The following CFAP46 variants were observed in gnomAD, a reference collection of about 807,000 sequenced individuals.
CFAP46 encodes cilia and flagella associated protein 46, also known as cilia- and flagella-associated protein 46.
In CFAP46, 245 loss-of-function variants were observed where a neutral mutation model predicts 325.7. The observed-to-expected ratio is 0.75, with a 90% confidence interval of 0.68 to 0.84. The LOEUF (loss-of-function observed/expected upper bound fraction) is 0.84, where lower values mean the gene tolerates loss of function less well. Among genes scored for constraint, CFAP46 ranks in the 40% least tolerant of loss-of-function variants. The pLI, the probability that CFAP46 is intolerant of heterozygous loss-of-function variation, is 0.00. For missense variants in CFAP46, 3,346 were observed against 3,543.0 expected (o/e 0.94, Z 1.41); for synonymous variants, 1,523 against 1,495.9 (o/e 1.02, Z -0.42).
rs1159250118 is a variant in CFAP46, at chr10:132,924,727, C to T, written c.1225G>A (p.Gly409Ser). 6 of 1,539,638 alleles carry T rather than the reference C, an allele frequency of 3.9e-6. No homozygotes were observed. The highest frequency in any genetic ancestry group is 3.5e-4 in the Middle Eastern group (2 of 5,690). The change falls in exon 11 of 58, where the codon GGC becomes AGC. Residue 409 changes from glycine (G) to serine (S), a missense_variant. By Grantham distance (56) the Gly-to-Ser change is moderately conservative. Transcript: ENST00000368586. ...AGCTTCTCCAGCACGTCCGCAACGCCAGCCAGGGGCTTCCGCAGGTGGTGC... is the reference window on the plus strand; with the variant it reads ...AGCTTCTCCAGCACGTCCGCAACGCTAGCCAGGGGCTTCCGCAGGTGGTGC... ...LRHHLRKPLA[G>S]VADVLEKLDS... is the part of the protein sequence containing the mutation.
intron 45 of CFAP46, among the ~76,000 whole-genome samples, 180 bp downstream of exon 45, chr10:132,836,637 C>A (rs549668144): frequency 0.025 from 98 of 3,946 alleles, no homozygotes; most frequent in African/African-American, 0.029. Context: ...TCTGGACGGC[C>A]CCCCCCCCTT....
At chr10:132,885,053 T>C (rs1849101219) in intron 27 of CFAP46, 50 bp downstream of exon 27, 1 of 1,506,846 alleles carries the variant, frequency 6.6e-7, no homozygotes, top group African/African-American at 1.4e-5. Flanking sequence ...GTTCTCCCTT[T>C]CACTAAAGGA....
chr10:132,878,011 G>T lies in CFAP46; in HGVS notation c.4082C>A (p.Pro1361His), dbSNP rs1489868190. The change falls in exon 30 of 58, where the codon CCT becomes CAT. Residue 1361 changes from proline (P) to histidine (H), a missense_variant. Physicochemically the swap from Pro to His is moderately conservative, Grantham distance 77 (BLOSUM62 -2). Transcript: ENST00000368586. ...LAATSSHLLL[P>H]KKEKENERSK... ...CCTCTCATTCTCCTTCTCTTTTTTA[G>T]GCAATAACAGATGTGAGCTGGTTGC... The T allele has an allele frequency of 1.3e-6, 2 of 1,543,798 alleles. No homozygotes were observed. Among genetic ancestry groups the T allele is most frequent in the Non-Finnish European group, 1.7e-6 (2 of 1,143,822 alleles).
In CFAP46 at chr10:132,879,651, AG is replaced by A. The variant is rs750909273; in HGVS notation, c.3800-21del. ...ACTCCCCTGAAACACGGGGTGCCCG[AG>A]GCTGAGAGCAGGCCCGGCTACGGGT... On this transcript the variant is annotated intron_variant, in intron 28 of 57. Transcript: ENST00000368586. 3.9e-4 allele frequency: 576 copies of A among 1,489,730 alleles called. 1 individual carries two copies. The highest frequency in any genetic ancestry group is 4.7e-4 in the Non-Finnish European group (528 of 1,117,900). 92.3% of individuals were successfully genotyped at this position (1,489,730 alleles called of 1,614,324 possible). A position where few individuals can be genotyped will look rare whatever the true frequency, so the allele number is the denominator to read the frequency against.
At position 132,873,465 on chromosome 10, in the gene CFAP46, GCCTGGCTGTCAGGCACTGAGGCATC is replaced by G. The variant is rs1848921983; in HGVS notation, c.4363-666_4363-642del. Among the ~76,000 whole-genome samples, 2 of 152,022 alleles carry G rather than the reference GCCTGGCTGTCAGGCACTGAGGCATC, an allele frequency of 1.3e-5. 1 individual carries two copies. Among genetic ancestry groups the G allele is most frequent in the Non-Finnish European group, 2.9e-5 (2 of 67,988 alleles). On this transcript the variant is annotated intron_variant, in intron 31 of 57. Transcript: ENST00000368586. ...GGCACTGAGGCATCCAGGGATACGA[GCCTGGCTGTCAGGCACTGAGGCATC>G]CAGGGATACGAGCCTGGCTATCAGG...
intron 50 of CFAP46, among the ~76,000 whole-genome samples, chr10:132,824,200 CTGA>C (rs1440059934): frequency 2.6e-5 from 3 of 116,852 alleles, no homozygotes; most frequent in Admixed American, 9.7e-5. Context: ...TGTGTGAGTG[CTGA>C]TGTGTGCTGT....
In CFAP46 at chr10:132,874,101, A is replaced by G. The variant is rs192565281; in HGVS notation, c.4363-1277T>C. Among the ~76,000 whole-genome samples, 132 of 152,344 alleles carry G rather than the reference A, an allele frequency of 8.7e-4. 1 individual carries two copies. The highest frequency in any genetic ancestry group is 3.4e-3 in the Middle Eastern group (1 of 294). On this transcript the variant is annotated intron_variant, in intron 31 of 57. Coordinates refer to ENST00000368586, the MANE Select transcript of CFAP46 (RefSeq NM_001200049.3). ...ACCAATCTTATACAAATTTCTCCTA[A>G]GAATGGTCAGAAAGGAACACTTGTA...
chr10:132,922,308 G>A, intron 12 of CFAP46, 84 bp from the exon 13 acceptor site: 2 of 1,498,408 alleles, frequency 1.3e-6, no homozygotes, highest in Non-Finnish European at 1.8e-6. Flanking sequence ...CCTGGCCTTT[G>A]GCAGGGGCCT....
At chr10:132,829,506 C>T (rs966912100) in intron 50 of CFAP46, among the ~76,000 whole-genome samples, 7 of 152,210 alleles carry the variant, frequency 4.6e-5, no homozygotes, top group African/African-American at 1.7e-4. Flanking sequence ...AGAGAAAGAC[C>T]ACCTAGATGC....
chr10:132,859,150 C>T lies in CFAP46; in HGVS notation c.5296G>A (p.Glu1766Lys), dbSNP rs930547904. Residue 1766 changes from glutamate to lysine, a missense_variant, in exon 38 of 58, where the codon GAA becomes AAA. By Grantham distance (56) the Glu-to-Lys change is moderately conservative. Transcript: ENST00000368586. ...LLKEMDDGLL[E>K]IERKFIDCGC... The stretch of plus-strand genomic sequence containing the variant: ...CAGTCGATAAACTTTCTCTCAATTT[C>T]CAACAGGCCATCATCCATCTCTTTC... 8 of 1,550,780 alleles carry T rather than the reference C, an allele frequency of 5.2e-6. No homozygotes were observed. In the African/African-American group the frequency reaches 9.6e-5, roughly 19 times the overall value.
In CFAP46 at chr10:132,912,794, C is replaced by T. The variant is rs1223469575; in HGVS notation, c.2360G>A (p.Cys787Tyr). The change falls in exon 19 of 58, where the codon TGC becomes TAC. Residue 787 changes from cysteine to tyrosine, a missense_variant. Cys to Tyr is a radical substitution (Grantham distance 194, BLOSUM62 -2). Transcript: ENST00000368586. ...GATCAGGCCTCGCGCCAAGGTGTTG[C>T]AGAGCGTCACCAGCATCACGGGGTC... ...SGDPVMLVTL[C>Y]NTLARGLIIS... is the part of the protein sequence containing the mutation. 3 of 1,549,476 alleles carry T rather than the reference C, an allele frequency of 1.9e-6. No homozygotes were observed. The highest frequency in any genetic ancestry group is 2.6e-6 in the Non-Finnish European group (3 of 1,146,642).
At chr10:132,905,199 A>G (rs1849439833) in intron 22 of CFAP46, among the ~76,000 whole-genome samples, 1 of 152,214 alleles carries the variant, frequency 6.6e-6, no homozygotes, top group South Asian at 2.1e-4. Context: ...GTGGAATATC[A>G]GTGAACACCA....
intron 31 of CFAP46, among the ~76,000 whole-genome samples, chr10:132,874,805 C>G (rs977585357): frequency 9.2e-5 from 14 of 152,196 alleles, no homozygotes; most frequent in African/African-American, 3.1e-4. Context: ...CAACAAACAT[C>G]AATTATACTT....
rs149909284 is a variant in CFAP46 at position 132,879,614 on chromosome 10, C to G, written c.3817G>C (p.Glu1273Gln). 19,171 of 1,539,368 alleles carry G rather than the reference C, an allele frequency of 0.012. 240 individuals carry two copies. The highest frequency in any genetic ancestry group is 0.058 in the Middle Eastern group (266 of 4,574). The change falls in exon 29 of 58, where the codon GAG becomes CAG. Residue 1273 changes from glutamate to glutamine, a missense_variant. Physicochemically the swap from Glu to Gln is conservative, Grantham distance 29. Coordinates refer to ENST00000368586, the MANE Select transcript of CFAP46 (RefSeq NM_001200049.3). ...PTPDGEYVAV[E>Q]MPPRSPVSEA... Reference sequence around the variant, plus strand: ...GACACGGGGCTCCGTGGGGGCATCTCCACAGCCACGTACTCCCCTGAAACA... The same window carrying G: ...GACACGGGGCTCCGTGGGGGCATCTGCACAGCCACGTACTCCCCTGAAACA...
At position 132,912,899 on chromosome 10, in the gene CFAP46, C is replaced by G; in HGVS notation, c.2334-79G>C. The G allele has an allele frequency of 4.0e-6, 6 of 1,515,042 alleles. No homozygotes were observed. In the South Asian group the frequency reaches 4.9e-5, roughly 12 times the overall value. 93.8% of individuals were successfully genotyped at this position (1,515,042 alleles called of 1,614,324 possible). ...TCCCATGTGCTGAGTCCTCAGGTCA[C>G]GGTAAGAGGCCTGAGATGCACGGGT... On this transcript the variant is annotated intron_variant, in intron 18 of 57. Coordinates refer to ENST00000368586, the MANE Select transcript of CFAP46 (RefSeq NM_001200049.3).
chr10:132,869,492 TATTTTCAATC>T lies in CFAP46; in HGVS notation c.4512-130_4512-121del. 1 of 610,824 alleles carries T rather than the reference TATTTTCAATC, an allele frequency of 1.6e-6. No individual in the cohort carries two copies. The highest frequency in any genetic ancestry group is 2.6e-6 in the Non-Finnish European group (1 of 388,986). 37.8% of individuals were successfully genotyped at this position (610,824 alleles called of 1,614,324 possible). ...AACACATCGAGGCACACTTGGATGG[TATTTTCAATC>T]ATTTTTAAAGGTAAGCGAAATTACT... On this transcript the variant is annotated intron_variant, in intron 32 of 57. Transcript: ENST00000368586. The surrounding 1 kb of genome is among the most constrained non-coding windows in gnomAD (Gnocchi z 6.2).
In CFAP46 at chr10:132,812,988, G is replaced by A. The variant is rs943441984; in HGVS notation, c.7389-91C>T. On this transcript the variant is annotated intron_variant, in intron 54 of 57. Coordinates refer to ENST00000368586, the MANE Select transcript of CFAP46 (RefSeq NM_001200049.3). ...CTTAAAGCAGGCCACATCCTGCGTG[G>A]TCCACGCCTGTCCCATTTGTGCATT... 3.5e-6 allele frequency: 3 copies of A among 861,678 alleles called. No individual in the cohort carries two copies. The African/African-American group carries it at 5.1e-5, about 15-fold the overall frequency. The allele number at this position is 861,678 out of a possible 1,614,324, so 53.4% of individuals were successfully genotyped here.
At chr10:132,898,732 T>G in intron 24 of CFAP46, 13 of 643,680 alleles carry the variant, frequency 2.0e-5, no homozygotes, top group East Asian at 2.9e-5. Context: ...CCTCGGTGCA[T>G]GTGTGTTGCT....
chr10:132,933,863 A>G (rs1849951253), intron 8 of CFAP46, among the ~76,000 whole-genome samples: 1 of 152,220 alleles, frequency 6.6e-6, no homozygotes, highest in African/African-American at 2.4e-5. Flanking sequence ...TCCCCAGTCC[A>G]GCCTCGAGAA....
Sources: gnomAD v4.1 joint callset for allele counts (sites outside exome capture counted in the v4.1 genomes callset) on GRCh38, gnomAD v4.1.1 for gene constraint, Gnocchi (gnomAD v3.1) non-coding constraint, MANE v1.5 for transcripts, NCBI Gene and HGNC (gene_info 2026-07-23, HGNC 2026-07-21) for gene names.